Variants in INVS observed in about 807,000 individuals in gnomAD.
INVS encodes the protein inversion of embryo turning homolog.
INVS carries 86 observed loss-of-function variants against 108.8 expected under a neutral mutation model. The ratio of observed to expected loss-of-function variants is 0.79; its 90% CI spans 0.66 to 0.95. The LOEUF (loss-of-function observed/expected upper bound fraction) is 0.95, where lower values mean the gene tolerates loss of function less well. Among genes scored for constraint, INVS ranks in the 40% least tolerant of loss-of-function variants. The pLI, the probability that INVS is intolerant of heterozygous loss-of-function variation, is 0.00. For missense variants in INVS, 1,169 were observed against 1,297.4 expected, an observed-to-expected ratio of 0.90 and a Z score of 1.52; for synonymous variants, 455 against 473.5, an observed-to-expected ratio of 0.96 and a Z score of 0.51.
intron 3 of INVS, among the ~76,000 whole-genome samples, chr9:100,189,322 A>T (rs1436327019): frequency 6.7e-6 from 1 of 148,320 alleles, no homozygotes; most frequent in Non-Finnish European, 1.5e-5. Context: ...TTGAAGTGTG[A>T]CAATAGGTTG....
intron 3 of INVS, among the ~76,000 whole-genome samples, chr9:100,170,532 T>A (rs1829504101): frequency 6.6e-6 from 1 of 151,476 alleles, no homozygotes; most frequent in Admixed American, 6.6e-5. Flanking sequence ...ACCACTGCCC[T>A]CCAGCTTGGG....
intron 3 of INVS, among the ~76,000 whole-genome samples, chr9:100,165,464 T>G (rs761085136): frequency 1.3e-5 from 2 of 152,140 alleles, no homozygotes; most frequent in Non-Finnish European, 2.9e-5. Flanking sequence ...AAAGAGAAAC[T>G]TCCCCATATC....
chr9:100,146,962 G>T (rs1356105505), intron 3 of INVS, among the ~76,000 whole-genome samples: 3 of 151,980 alleles, frequency 2.0e-5, no homozygotes, highest in African/African-American at 7.3e-5. Flanking sequence ...TCAACTTATG[G>T]TACTGTATTC....
chr9:100,248,075 C>T (rs1268715149), intron 8 of INVS, among the ~76,000 whole-genome samples: 1 of 152,134 alleles, frequency 6.6e-6, no homozygotes, highest in African/African-American at 2.4e-5. Flanking sequence ...GCCTCGGCCT[C>T]CCAAAGTGCT....
chr9:100,123,426 T>C (rs1178420308), intron 2 of INVS, among the ~76,000 whole-genome samples: 1 of 152,246 alleles, frequency 6.6e-6, no homozygotes, highest in Admixed American at 6.5e-5. Context: ...GTTGAGCATA[T>C]ACTAGACCTT....
At chr9:100,137,994 CTG>C (rs1341120939) in intron 3 of INVS, among the ~76,000 whole-genome samples, 1 of 152,078 alleles carries the variant, frequency 6.6e-6, no homozygotes, top group East Asian at 1.9e-4. Context: ...CTTTAAAAGA[CTG>C]AGAGTCAACG....
chr9:100,127,363 T>TC (rs1827919489), intron 3 of INVS, among the ~76,000 whole-genome samples: 1 of 152,126 alleles, frequency 6.6e-6, no homozygotes, highest in Non-Finnish European at 1.5e-5. Flanking sequence ...TTAAATGTAT[T>TC]ATTAAGAGCT....
At chr9:100,197,188 C>T (rs534608465) in intron 3 of INVS, among the ~76,000 whole-genome samples, 37 of 152,286 alleles carry the variant, frequency 2.4e-4, no homozygotes, top group African/African-American at 7.0e-4. Context: ...GTTTCAATTA[C>T]TTTGCTAGAG....
intron 3 of INVS, among the ~76,000 whole-genome samples, chr9:100,157,267 C>CTTTTTTTTTTTTTTTTT (rs770493291): frequency 3.1e-5 from 4 of 130,098 alleles, no homozygotes; most frequent in African/African-American, 1.3e-4. Context: ...TCTTTTTTTT[C>CTTTTTTTTTTTTTTTTT]TTTTTTTTTT....
At chr9:100,238,554 T>C (rs1384919426) in intron 5 of INVS, among the ~76,000 whole-genome samples, 1 of 152,198 alleles carries the variant, frequency 6.6e-6, no homozygotes, top group African/African-American at 2.4e-5. Context: ...TACTCTTGCC[T>C]TTAGGGTCTC....
At chr9:100,281,091 C>A (rs969075445) in intron 12 of INVS, among the ~76,000 whole-genome samples, 4 of 152,098 alleles carry the variant, frequency 2.6e-5, no homozygotes, top group Non-Finnish European at 1.5e-5. Context: ...AAGTGGCATC[C>A]CCAGCTTCTT....
At chr9:100,127,455 A>G (rs1011123366) in intron 3 of INVS, among the ~76,000 whole-genome samples, 1 of 151,984 alleles carries the variant, frequency 6.6e-6, no homozygotes, top group Non-Finnish European at 1.5e-5. Flanking sequence ...CCTAAAAACT[A>G]TTTTTCTTCC....
At chr9:100,160,468 A>C (rs770045315) in intron 3 of INVS, among the ~76,000 whole-genome samples, 3 of 152,206 alleles carry the variant, frequency 2.0e-5, no homozygotes, top group Non-Finnish European at 4.4e-5. Flanking sequence ...CTCATCATTT[A>C]TGTGCAGATT....
intron 3 of INVS, among the ~76,000 whole-genome samples, chr9:100,195,201 C>T (rs1034282424): frequency 1.4e-4 from 22 of 152,190 alleles, no homozygotes; most frequent in Admixed American, 4.6e-4. Flanking sequence ...ATAAATGATA[C>T]ACTGATTGAG....
rs141109039 is a variant in INVS, at chr9:100,246,621, G to A, written c.912G>A (p.Thr304=). 2.0e-5 allele frequency: 32 copies of A among 1,612,604 alleles called. No individual in the cohort carries two copies. Among genetic ancestry groups the A allele is most frequent in the East Asian group, 1.6e-4 (7 of 44,844 alleles). ...TAAATCAAGTTTTCTTACAGGAAAC[G>A]GTTAAAGTGTTTTTAAAACATCCTT... The part of the protein sequence containing the change: ...HYAAQSNFAE[T]VKVFLKHPSV... Residue 304 remains threonine, a synonymous_variant, in exon 8 of 17, where the codon ACG becomes ACA. Coordinates refer to ENST00000262457, the MANE Select transcript of INVS (RefSeq NM_014425.5).
At chr9:100,267,019 T>TA (rs11415703) in intron 11 of INVS, among the ~76,000 whole-genome samples, 43,016 of 93,200 alleles carry the variant, frequency 0.46, 10,128 homozygotes, top group East Asian at 0.83. Flanking sequence ...TTTGAAACTC[T>TA]AAAAAAAAAA....
At chr9:100,214,241 G>C (rs997965439) in intron 3 of INVS, among the ~76,000 whole-genome samples, 18 of 152,160 alleles carry the variant, frequency 1.2e-4, no homozygotes, top group Non-Finnish European at 2.2e-4. Flanking sequence ...TGTAATCTAA[G>C]TCTGGTCTGT....
At chr9:100,260,205 T>C (rs1832574395) in intron 10 of INVS, among the ~76,000 whole-genome samples, 1 of 141,088 alleles carries the variant, frequency 7.1e-6, no homozygotes, top group Non-Finnish European at 1.5e-5. Context: ...TTTTTTTTTT[T>C]TGAGACAAGA....
At chr9:100,210,152 A>G (rs972613060) in intron 3 of INVS, among the ~76,000 whole-genome samples, 3 of 152,136 alleles carry the variant, frequency 2.0e-5, no homozygotes, top group African/African-American at 7.2e-5. Flanking sequence ...TACCTCTATC[A>G]TAGAACTGAT....
Sources: allele counts gnomAD v4.1 joint callset (sites outside exome capture counted in the v4.1 genomes callset), GRCh38; gene constraint gnomAD v4.1.1; transcripts MANE v1.5; gene names NCBI Gene and HGNC (gene_info 2026-07-23, HGNC 2026-07-21).